The following SETD4 variants were observed in gnomAD, a reference collection of about 807,000 sequenced individuals.
SETD4 encodes the protein SET domain containing 4.
SETD4 carries 46 observed loss-of-function variants against 58.3 expected under a neutral mutation model. The observed-to-expected ratio is 0.79, with a 90% confidence interval of 0.62 to 1.01. The LOEUF (loss-of-function observed/expected upper bound fraction) is 1.01, where lower values mean the gene tolerates loss of function less well. Ranked by LOEUF, SETD4 falls within the 50% of genes least tolerant of loss-of-function variation. SETD4 has a pLI of 0.00. For missense variants in SETD4, 490 were observed against 523.3 expected (o/e 0.94, Z 0.62); for synonymous variants, 190 against 202.6 (o/e 0.94, Z 0.53).
In SETD4 at chr21:36,043,956, C is replaced by G. The variant is rs916562624; in HGVS notation, c.727G>C (p.Val243Leu). Residue 243 changes from valine to leucine, a missense_variant and splice_region_variant, in exon 7 of 12, where the codon GTA becomes CTA. Transcript: ENST00000332131. ...GTTTCTTCATTAAACGCTGCTTTTA[C>G]CTAGAAAGAAAAACTGTTAAGGTAT... Reference protein sequence around the residue: ...DLLNHSPHVQVKAAFNEETHS... With the variant: ...DLLNHSPHVQLKAAFNEETHS... The G allele has an allele frequency of 6.8e-6, 11 of 1,613,496 alleles. No homozygotes were observed. Among genetic ancestry groups the G allele is most frequent in the Non-Finnish European group, 9.3e-6 (11 of 1,179,816 alleles).
chr21:36,060,146 A>G (rs1434147675), intron 1 of SETD4: 31 of 984,988 alleles, frequency 3.1e-5, no homozygotes, highest in Non-Finnish European at 3.7e-5. Context: ...AGCGCGCCGG[A>G]GCAACATGCG....
chr21:36,050,709 G>A, intron 4 of SETD4: 2 of 1,611,876 alleles, frequency 1.2e-6, no homozygotes, highest in South Asian at 2.2e-5. Flanking sequence ...GGGTCATAGA[G>A]GTAAAGCTGT....
chr21:36,036,311 A>G, intron 10 of SETD4, 60 bp from the exon 11 acceptor site: 1 of 108,584 alleles, frequency 9.2e-6, no homozygotes, highest in South Asian at 4.2e-4. Context: ...ATTTCACAGA[A>G]CGTACGTACC....
intron 9 of SETD4, among the ~76,000 whole-genome samples, chr21:36,039,700 T>G (rs2063953361): frequency 6.6e-6 from 1 of 152,222 alleles, no homozygotes; most frequent in East Asian, 1.9e-4. Flanking sequence ...GGTTAAAGAA[T>G]TCATAGTATC....
chr21:36,058,384 C>A (rs1295033990), intron 2 of SETD4, among the ~76,000 whole-genome samples: 1 of 151,822 alleles, frequency 6.6e-6, no homozygotes, highest in Non-Finnish European at 1.5e-5. Context: ...ACCTGTAGTC[C>A]CAGGTACTTG....
rs1355647282 is a variant in SETD4, at chr21:36,045,573, G to A, written c.726+9C>T. 1 of 1,609,970 alleles carries A rather than the reference G, an allele frequency of 6.2e-7. No individual in the cohort carries two copies. The highest frequency in any genetic ancestry group is 1.1e-5 in the South Asian group (1 of 91,030). ...AAATAGAATAGCTGCTCCCTTGTCAGCTTCTCACCTGGACATGTGGGCTAT... is the reference window on the plus strand; with the variant it reads ...AAATAGAATAGCTGCTCCCTTGTCAACTTCTCACCTGGACATGTGGGCTAT... On this transcript the variant is annotated intron_variant, in intron 6 of 11. Coordinates refer to ENST00000332131, the MANE Select transcript of SETD4 (RefSeq NM_017438.5).
chr21:36,057,882 C>T (rs1164163184), intron 2 of SETD4, among the ~76,000 whole-genome samples: 2 of 152,112 alleles, frequency 1.3e-5, no homozygotes, highest in African/African-American at 4.8e-5. Flanking sequence ...ACAACTGGAC[C>T]TCCATCAGCA....
rs1447859313 is a variant in SETD4, at chr21:36,036,329, C to A, written c.1189-78G>T. ...TCACAGAACGTACGTACCTTTTTAA[C>A]CAATTTTAAGTGTATGGTTCAGCAG... On this transcript the variant is annotated intron_variant, in intron 10 of 11. Coordinates refer to ENST00000332131, the MANE Select transcript of SETD4 (RefSeq NM_017438.5). 9.0e-6 allele frequency: 12 copies of A among 1,336,648 alleles called. 1 individual carries two copies. The East Asian group carries it at 1.5e-4, about 17-fold the overall frequency. 82.8% of individuals were successfully genotyped at this position (1,336,648 alleles called of 1,614,324 possible).
rs2063873404 is a variant in SETD4 at position 36,038,221 on chromosome 21, T to C, written c.1117A>G (p.Lys373Glu). 1 of 1,614,048 alleles carries C rather than the reference T, an allele frequency of 6.2e-7. No homozygotes were observed. The highest frequency in any genetic ancestry group is 1.3e-5 in the African/African-American group (1 of 74,930). Residue 373 changes from lysine (K) to glutamate (E), a missense_variant, in exon 10 of 12, where the codon AAG (lysine) becomes GAG (glutamate). Coordinates refer to ENST00000332131, the MANE Select transcript of SETD4 (RefSeq NM_017438.5). ...LGEVISDTNE[K>E]TSLDIAQKIC... ...TTCTGGGCTATGTCCAAACTTGTCTTCTCATTCGTATCTGAAATTACCTCC... is the reference window on the plus strand; with the variant it reads ...TTCTGGGCTATGTCCAAACTTGTCTCCTCATTCGTATCTGAAATTACCTCC...
chr21:36,036,587 C>T (rs1283682133), intron 10 of SETD4: 8 of 934,716 alleles, frequency 8.6e-6, no homozygotes, highest in Middle Eastern at 1.1e-3. Flanking sequence ...ATTTCATTTC[C>T]AATAATGTCT....
chr21:36,059,801 G>C (rs1254181363), intron 1 of SETD4: 2 of 985,394 alleles, frequency 2.0e-6, no homozygotes, highest in African/African-American at 3.5e-5. Context: ...CACTTCCGCA[G>C]TATAAGGTTC....
intron 5 of SETD4, among the ~76,000 whole-genome samples, chr21:36,047,273 C>G (rs1034462545): frequency 6.6e-6 from 1 of 152,024 alleles, no homozygotes; most frequent in Non-Finnish European, 1.5e-5. Context: ...AAGAAAAAAA[C>G]GGTATACTCT....
intron 6 of SETD4, among the ~76,000 whole-genome samples, 177 bp from the exon 7 acceptor site, chr21:36,044,133 T>C (rs554752657): frequency 6.6e-6 from 1 of 152,308 alleles, no homozygotes; most frequent in East Asian, 1.9e-4. Context: ...CTTCACCCCA[T>C]TGATGACGGA....
At chr21:36,044,284 T>A (rs1433712273) in intron 6 of SETD4, among the ~76,000 whole-genome samples, 1 of 152,236 alleles carries the variant, frequency 6.6e-6, no homozygotes, top group Non-Finnish European at 1.5e-5. Flanking sequence ...ACTTTATCTG[T>A]AAAAAGCTAG....
At chr21:36,037,668 A>G (rs866808564) in intron 10 of SETD4, among the ~76,000 whole-genome samples, 2 of 151,690 alleles carry the variant, frequency 1.3e-5, no homozygotes, top group South Asian at 2.1e-4. Flanking sequence ...GAGAAAAAGC[A>G]TAGGTACTAT....
At chr21:36,047,403 C>T (rs1256765049) in intron 5 of SETD4, among the ~76,000 whole-genome samples, 3 of 152,192 alleles carry the variant, frequency 2.0e-5, no homozygotes, top group Non-Finnish European at 4.4e-5. Context: ...CCCCATCAGC[C>T]TCCTCTCTTC....
rs767163878 is a variant in SETD4, at chr21:36,035,156, T to C, written c.*837A>G. On this transcript the variant is annotated 3_prime_UTR_variant, in exon 12 of 12. Coordinates refer to ENST00000332131, the MANE Select transcript of SETD4 (RefSeq NM_017438.5). ...CAGGACCAGCAGCCCCTCCGTTACT[T>C]ACGCAGGCAGTTCCAAGGCCACAGG... 3.3e-5 allele frequency: 5 copies of C among 152,322 alleles called. No individual in the cohort carries two copies. The highest frequency in any genetic ancestry group is 1.2e-4 in the African/African-American group (5 of 41,456). The allele number at this position is 152,322 out of a possible 1,614,324, so 9.4% of individuals were successfully genotyped here.
Position 36,045,758 on chromosome 21 carries a change from A to G in SETD4, c.550T>C (p.Phe184Leu). The G allele has an allele frequency of 6.2e-7, 1 of 1,614,184 alleles. No homozygotes were observed. The highest frequency in any genetic ancestry group is 1.1e-5 in the South Asian group (1 of 91,078). ...RDFFSSLQPL[F>L]AEAVDSIFSY... is the part of the protein sequence containing the mutation. ...AAGATGCTGTCAACAGCCTCCGCAA[A>G]CAGAGGCTGCAGAGAAGAGAAAAAG... The change falls in exon 6 of 12, where the codon TTT becomes CTT. Residue 184 changes from phenylalanine (F) to leucine (L), a missense_variant. Physicochemically the swap from Phe to Leu is conservative, Grantham distance 22. Transcript: ENST00000332131.
At chr21:36,059,945 T>G in intron 1 of SETD4, 5 of 985,422 alleles carry the variant, frequency 5.1e-6, no homozygotes, top group Non-Finnish European at 6.0e-6. Flanking sequence ...TCGCGCGAGC[T>G]GTCCACCATC....
Sources: gnomAD v4.1 joint callset for allele counts (sites outside exome capture counted in the v4.1 genomes callset) on GRCh38, gnomAD v4.1.1 for gene constraint, MANE v1.5 for transcripts, NCBI Gene and HGNC (gene_info 2026-07-23, HGNC 2026-07-21) for gene names.